ZNF469: variants seen among roughly 807,000 people sequenced by gnomAD.
The protein encoded by ZNF469 is zinc finger protein 469.
A neutral mutation model predicts 1.0 loss-of-function variants in ZNF469; 1 was observed. That is an observed-to-expected ratio of 1.00 (90% CI 0.35 to 4.73). ZNF469 has a LOEUF of 4.73. Among genes scored for constraint, ZNF469 ranks in the 30% most tolerant of loss-of-function variants. The probability of loss-of-function intolerance (pLI) is 0.16; values close to 1 mark genes in which losing one functional copy is unlikely to be tolerated. For synonymous variants in ZNF469, 2,703 were observed against 2,363.4 expected, an observed-to-expected ratio of 1.14 and a Z score of -4.17; for missense variants, 6,100 against 5,356.3, an observed-to-expected ratio of 1.14 and a Z score of -4.33.
the ZNF469 span, among the ~76,000 whole-genome samples, chr16:88,247,494 CAGTG>C: frequency 7.0e-5 from 6 of 85,832 alleles, no homozygotes; most frequent in South Asian, 1.9e-3. Flanking sequence ...GTGAATGAAT[CAGTG>C]AGTGAGGGAA....
At position 88,392,622 on chromosome 16, in the gene ZNF469, A is replaced by C. The variant is rs572442732; in HGVS notation, c.-192+9368A>C. ...GGCTGCTCTGGTGATTTTTATGTTG[A>C]GCTTTCAGACCCTTGTAAAGCCTCA... On this transcript the variant is annotated intron_variant, in intron 1 of 2. Transcript: ENST00000565624. Among the ~76,000 whole-genome samples the C allele has an allele frequency of 9.9e-5, 15 of 152,076 alleles. No homozygotes were observed. The South Asian group carries it at 3.1e-3, about 32-fold the overall frequency.
chr16:88,242,255 C>T, the ZNF469 span, among the ~76,000 whole-genome samples: 842 of 152,358 alleles, frequency 5.5e-3, 12 homozygotes, highest in African/African-American at 0.019. Flanking sequence ...ATCCGTCTCA[C>T]CCTGGTCTGC....
chr16:88,201,086 G>A, the ZNF469 span, among the ~76,000 whole-genome samples: 1 of 152,216 alleles, frequency 6.6e-6, no homozygotes, highest in African/African-American at 2.4e-5. The surrounding 1 kb of genome is among the most constrained non-coding windows in gnomAD (Gnocchi z 5.0). Context: ...CACCCCGCAG[G>A]TCCCCAGTGC....
At chr16:88,303,694 C>G in the ZNF469 span, among the ~76,000 whole-genome samples, 2 of 152,216 alleles carry the variant, frequency 1.3e-5, no homozygotes, top group Non-Finnish European at 2.9e-5. Flanking sequence ...CCCAGCCAAG[C>G]CATGAGCCTC....
the ZNF469 span, among the ~76,000 whole-genome samples, chr16:88,269,555 AC>A: frequency 3.0e-4 from 45 of 151,690 alleles, no homozygotes; most frequent in African/African-American, 8.5e-4. Flanking sequence ...ACCTCTTAAG[AC>A]CCCTGCACAC....
chr16:88,411,026 CT>C (rs1905145900), intron 1 of ZNF469, among the ~76,000 whole-genome samples: 1 of 152,202 alleles, frequency 6.6e-6, no homozygotes, highest in Admixed American at 6.5e-5. Context: ...TCATGGGGCC[CT>C]CTCCGAAGGA....
At chr16:88,108,317 T>G in the ZNF469 span, among the ~76,000 whole-genome samples, 1 of 152,250 alleles carries the variant, frequency 6.6e-6, no homozygotes, top group Non-Finnish European at 1.5e-5. Flanking sequence ...ACCGTCACAC[T>G]GTGGCCCTGG....
At chr16:88,106,907 G>C in the ZNF469 span, among the ~76,000 whole-genome samples, 1 of 152,268 alleles carries the variant, frequency 6.6e-6, no homozygotes, top group Non-Finnish European at 1.5e-5. Flanking sequence ...AGCCTCTCCA[G>C]GGTGATTTTC....
chr16:88,398,419 ATGTGGG>A, intron 1 of ZNF469, among the ~76,000 whole-genome samples: 1 of 151,190 alleles, frequency 6.6e-6, no homozygotes, highest in East Asian at 2.0e-4. Context: ...ATGAAGGGAC[ATGTGGG>A]CCACGGATGA....
chr16:88,243,854 G>T, the ZNF469 span, among the ~76,000 whole-genome samples: 1 of 145,516 alleles, frequency 6.9e-6, no homozygotes, highest in Non-Finnish European at 1.5e-5. Context: ...GTGCATGGAT[G>T]GATGGTTGGA....
chr16:88,438,346 G>A lies in ZNF469; in HGVS notation c.10876G>A (p.Ala3626Thr). Residue 3626 changes from alanine (A) to threonine (T), a missense_variant, in exon 3 of 3, where the codon GCC becomes ACC. By Grantham distance (58) the Ala-to-Thr change is moderately conservative (BLOSUM62 0). Coordinates refer to ENST00000565624, the MANE Select transcript of ZNF469 (RefSeq NM_001367624.2). ...TCTCGTGTTCTCAGGGAAACGCAGG[G>A]CCCCGGGTGCCCGTGGCAGGTGTGC... Reference protein sequence around the residue: ...APLVFSGKRRAPGARGRCAPD... With the variant: ...APLVFSGKRRTPGARGRCAPD... 1 of 1,550,204 alleles carries A rather than the reference G, an allele frequency of 6.5e-7. No homozygotes were observed. Among genetic ancestry groups the A allele is most frequent in the Non-Finnish European group, 8.7e-7 (1 of 1,146,946 alleles).
chr16:88,426,628 C>A (rs1905713858), intron 2 of ZNF469, among the ~76,000 whole-genome samples: 1 of 152,140 alleles, frequency 6.6e-6, no homozygotes. Flanking sequence ...CTGGAGGTTA[C>A]CCTGTAAGGC....
chr16:88,165,323 T>A, the ZNF469 span, among the ~76,000 whole-genome samples: 8 of 152,382 alleles, frequency 5.2e-5, no homozygotes, highest in East Asian at 1.3e-3. Context: ...GAGGCTTCTC[T>A]GGCGCCTCCC....
the ZNF469 span, among the ~76,000 whole-genome samples, chr16:88,185,225 TCACA>T: frequency 6.7e-6 from 1 of 149,650 alleles, no homozygotes; most frequent in Non-Finnish European, 1.5e-5. Flanking sequence ...ACACTCACAT[TCACA>T]CACGGGCACA....
the ZNF469 span, among the ~76,000 whole-genome samples, chr16:88,257,115 ATTT>A: frequency 0.035 from 4,084 of 117,008 alleles, 212 homozygotes; most frequent in African/African-American, 0.12. Flanking sequence ...TACCCCACTA[ATTT>A]TTTTTTTTTT....
At chr16:88,305,157 G>A in the ZNF469 span, among the ~76,000 whole-genome samples, 13 of 152,266 alleles carry the variant, frequency 8.5e-5, no homozygotes, top group Non-Finnish European at 1.5e-4. Flanking sequence ...GTCCATGCCC[G>A]GCATGGGGCA....
In ZNF469 at chr16:88,438,906, G is replaced by A. The variant is rs537795437; in HGVS notation, c.11436G>A (p.Glu3812=). 3 of 1,550,564 alleles carry A rather than the reference G, an allele frequency of 1.9e-6. No individual in the cohort carries two copies. Among genetic ancestry groups the A allele is most frequent in the Admixed American group, 2.0e-5 (1 of 51,012 alleles). The part of the protein sequence containing the change: ...HGSLGPKEKG[E]SSTKRKKGQV... ...GCCTAGGTCCCAAGGAGAAGGGAGA[G>A]AGCAGTACGAAGAGGAAAAAGGGCC... Residue 3812 remains glutamate (E), a synonymous_variant, in exon 3 of 3, where the codon GAG becomes GAA. Coordinates refer to ENST00000565624, the MANE Select transcript of ZNF469 (RefSeq NM_001367624.2).
Position 88,433,210 on chromosome 16 carries a change from A to G in ZNF469, c.5740A>G (p.Lys1914Glu), listed in dbSNP as rs1172479493. 2.6e-6 allele frequency: 4 copies of G among 1,550,264 alleles called. No individual in the cohort carries two copies. The highest frequency in any genetic ancestry group is 2.0e-5 in the Admixed American group (1 of 51,006). ...QLQLPGPGVA[K>E]SKDGILGLQE... ...CCAGCTCCCAGGGCCTGGAGTGGCTAAGAGTAAAGATGGCATCCTGGGCTT... is the reference window on the plus strand; with the variant it reads ...CCAGCTCCCAGGGCCTGGAGTGGCTGAGAGTAAAGATGGCATCCTGGGCTT... Residue 1914 changes from lysine (K) to glutamate (E), a missense_variant, in exon 3 of 3, where the codon AAG becomes GAG. Lys to Glu is a moderately conservative substitution (Grantham distance 56, BLOSUM62 1). Transcript: ENST00000565624.
chr16:88,192,762 CATGATGGTG>C, the ZNF469 span, among the ~76,000 whole-genome samples: 3 of 55,414 alleles, frequency 5.4e-5, no homozygotes, highest in South Asian at 1.2e-3. Context: ...TGGTGATGAT[CATGATGGTG>C]ATGATGGTGG....
Sources: allele counts gnomAD v4.1 joint callset (sites outside exome capture counted in the v4.1 genomes callset), GRCh38; gene constraint gnomAD v4.1.1; non-coding constraint Gnocchi (gnomAD v3.1); transcripts MANE v1.5; gene names NCBI Gene and HGNC (gene_info 2026-07-23, HGNC 2026-07-21).